INSYN2B: variants seen among roughly 807,000 people sequenced by gnomAD.
INSYN2B encodes the protein protein INSYN2B.
A neutral mutation model predicts 41.2 loss-of-function variants in INSYN2B; 16 were observed. The observed-to-expected ratio is 0.39, with a 90% confidence interval of 0.26 to 0.59. The LOEUF is 0.59. Among genes scored for constraint, INSYN2B ranks in the 20% least tolerant of loss-of-function variants. The pLI, the probability that INSYN2B is intolerant of heterozygous loss-of-function variation, is 0.57. For missense variants in INSYN2B, 608 were observed against 646.4 expected (o/e 0.94, Z 0.64); for synonymous variants, 245 against 244.4 (o/e 1.00, Z -0.02).
At chr5:169,882,530 A>G (rs1391211506) in intron 2 of INSYN2B, 23 bp downstream of exon 2, 44 of 1,515,786 alleles carry the variant, frequency 2.9e-5, no homozygotes, top group Non-Finnish European at 3.9e-5. Flanking sequence ...GTCATTTTTA[A>G]TATGAAAAAA....
At chr5:169,923,879 T>C (rs1775302271) in intron 1 of INSYN2B, among the ~76,000 whole-genome samples, 1 of 152,246 alleles carries the variant, frequency 6.6e-6, no homozygotes, top group Non-Finnish European at 1.5e-5. Flanking sequence ...AGTCAGTATA[T>C]GAGCTAAGAT....
chr5:169,909,649 A>G (rs1008937600), intron 1 of INSYN2B, among the ~76,000 whole-genome samples: 5 of 152,182 alleles, frequency 3.3e-5, no homozygotes, highest in African/African-American at 1.2e-4. Context: ...CAAGAATTCA[A>G]ACTCAAATCT....
chr5:169,885,247 C>A (rs1772906381), intron 1 of INSYN2B, among the ~76,000 whole-genome samples: 1 of 152,220 alleles, frequency 6.6e-6, no homozygotes, highest in Non-Finnish European at 1.5e-5. Flanking sequence ...GCATCTCCTC[C>A]ACTACCCTGT....
intron 1 of INSYN2B, among the ~76,000 whole-genome samples, chr5:169,973,346 G>A (rs368517633): frequency 3.9e-5 from 6 of 152,104 alleles, no homozygotes; most frequent in Non-Finnish European, 8.8e-5. Flanking sequence ...ACACATCTCC[G>A]GCTGATCACA....
rs151045787 is a variant in INSYN2B, at chr5:169,892,729, A to G, written c.-918-7913T>C. Among the ~76,000 whole-genome samples, 624 of 152,262 alleles carry G rather than the reference A, an allele frequency of 4.1e-3. 6 individuals carry two copies. Among genetic ancestry groups the G allele is most frequent in the African/African-American group, 0.014 (589 of 41,562 alleles). On this transcript the variant is annotated intron_variant, in intron 1 of 3. Coordinates refer to ENST00000377365, the MANE Select transcript of INSYN2B (RefSeq NM_001129891.3). ...CTACCTTATCTTTCTTTTTTCAAAA[A>G]CATAATAAAATGTTTCAGGTGTGCA... is the stretch of plus-strand genomic sequence containing the variant.
At chr5:169,900,456 A>G (rs1320788558) in intron 1 of INSYN2B, among the ~76,000 whole-genome samples, 1 of 152,200 alleles carries the variant, frequency 6.6e-6, no homozygotes, top group Non-Finnish European at 1.5e-5. Flanking sequence ...AAATGTCAGG[A>G]GAAGACTGGC....
chr5:169,866,025 G>A (rs1340194642), intron 3 of INSYN2B, among the ~76,000 whole-genome samples: 1 of 152,076 alleles, frequency 6.6e-6, no homozygotes, highest in African/African-American at 2.4e-5. Context: ...GGGCTGAAGA[G>A]TCAGAGGGGC....
chr5:169,915,771 A>G (rs1774842949), intron 1 of INSYN2B, among the ~76,000 whole-genome samples: 2 of 152,308 alleles, frequency 1.3e-5, no homozygotes, highest in Non-Finnish European at 2.9e-5. Flanking sequence ...TGTTTTACTG[A>G]AGAGTCTACA....
chr5:169,905,599 C>T (rs1459483396), intron 1 of INSYN2B, among the ~76,000 whole-genome samples: 1 of 152,164 alleles, frequency 6.6e-6, no homozygotes, highest in African/African-American at 2.4e-5. Context: ...TGTATACGGG[C>T]TTGAATGATG....
At chr5:169,964,574 T>C (rs1358806724) in intron 1 of INSYN2B, among the ~76,000 whole-genome samples, 1 of 152,210 alleles carries the variant, frequency 6.6e-6, no homozygotes, top group African/African-American at 2.4e-5. Context: ...TTGCCACTTT[T>C]CTCAGTGCCC....
At chr5:169,942,079 G>A (rs1776266350) in intron 1 of INSYN2B, among the ~76,000 whole-genome samples, 1 of 152,222 alleles carries the variant, frequency 6.6e-6, no homozygotes, top group South Asian at 2.1e-4. Flanking sequence ...ATGTGGGCCT[G>A]TCTCTAATTT....
rs537987327 is a variant in INSYN2B, at chr5:169,933,443, C to G, written c.-919+46834G>C. Among the ~76,000 whole-genome samples the G allele has an allele frequency of 2.0e-5, 3 of 152,348 alleles. No homozygotes were observed. In the South Asian group the frequency reaches 6.2e-4, roughly 32 times the overall value. On this transcript the variant is annotated intron_variant, in intron 1 of 3. Transcript: ENST00000377365. ...ATTGAGAGTGGCTGCTATAGAAGAG[C>G]TCTTTCTGGTAAATCAGTCATTATC...
At chr5:169,921,931 A>T (rs1561825699) in intron 1 of INSYN2B, among the ~76,000 whole-genome samples, 3 of 152,200 alleles carry the variant, frequency 2.0e-5, no homozygotes, top group Non-Finnish European at 2.9e-5. Flanking sequence ...ATGATCTTTT[A>T]AAAAAATGCT....
chr5:169,937,320 C>G (rs191812293), intron 1 of INSYN2B, among the ~76,000 whole-genome samples: 14 of 152,206 alleles, frequency 9.2e-5, no homozygotes, highest in Non-Finnish European at 1.6e-4. Flanking sequence ...AACCCGTAGA[C>G]TTGGGCTGCA....
At chr5:169,946,001 C>G (rs1776433715) in intron 1 of INSYN2B, among the ~76,000 whole-genome samples, 1 of 152,094 alleles carries the variant, frequency 6.6e-6, no homozygotes, top group Non-Finnish European at 1.5e-5. Context: ...CCGGTGCCAT[C>G]CCCTCCTCCC....
chr5:169,930,796 C>T (rs546293676), intron 1 of INSYN2B, among the ~76,000 whole-genome samples: 1 of 152,286 alleles, frequency 6.6e-6, no homozygotes, highest in Admixed American at 6.5e-5. Flanking sequence ...GTTGAGAAAC[C>T]ATCTCTCTTG....
At position 169,949,669 on chromosome 5, in the gene INSYN2B, G is replaced by A. The variant is rs1221254624; in HGVS notation, c.-919+30608C>T. Among the ~76,000 whole-genome samples the A allele has an allele frequency of 2.1e-5, 3 of 139,728 alleles. 1 individual carries two copies. Among genetic ancestry groups the A allele is most frequent in the East Asian group, 4.0e-4 (2 of 5,052 alleles). 91.7% of individuals were successfully genotyped at this position (139,728 alleles called of 152,430 possible). A position where few individuals can be genotyped will look rare whatever the true frequency, so the allele number is the denominator to read the frequency against. On this transcript the variant is annotated intron_variant, in intron 1 of 3. Coordinates refer to ENST00000377365, the MANE Select transcript of INSYN2B (RefSeq NM_001129891.3). ...TGGGCTGTGGCTCACAGAGTAAATAGCATGTTCAATGTGATCTTTAAAATA... is the reference window on the plus strand; with the variant it reads ...TGGGCTGTGGCTCACAGAGTAAATAACATGTTCAATGTGATCTTTAAAATA...
intron 1 of INSYN2B, among the ~76,000 whole-genome samples, chr5:169,979,856 G>A (rs755605609): frequency 8.5e-5 from 13 of 152,196 alleles, no homozygotes; most frequent in Admixed American, 4.6e-4. Flanking sequence ...AAAAGATAAT[G>A]GTTTTTTTCA....
intron 1 of INSYN2B, among the ~76,000 whole-genome samples, chr5:169,978,405 G>GGGGGGGGGGGGGGGGTT (rs1777809622): frequency 1.1e-5 from 1 of 95,018 alleles, no homozygotes; most frequent in African/African-American, 3.6e-5. Flanking sequence ...GGGGGGGGGG[G>GGGGGGGGGGGGGGGGTT]TGTAGGTGTG....
Sources: gnomAD v4.1 joint callset for allele counts (sites outside exome capture counted in the v4.1 genomes callset) on GRCh38, gnomAD v4.1.1 for gene constraint, MANE v1.5 for transcripts, NCBI Gene and HGNC (gene_info 2026-07-23, HGNC 2026-07-21) for gene names.